Variants in MYLK4 observed in about 807,000 individuals in gnomAD.
MYLK4 encodes the protein caMLCK like.
In MYLK4, 46 loss-of-function variants were observed where a neutral mutation model predicts 48.1. That is an observed-to-expected ratio of 0.96 (90% confidence interval 0.75 to 1.22). The LOEUF (loss-of-function observed/expected upper bound fraction) is 1.22. Ranked by LOEUF, MYLK4 falls within the 50% of genes most tolerant of loss-of-function variation. The probability of loss-of-function intolerance (pLI) is 0.00; values close to 1 mark genes in which losing one functional copy is unlikely to be tolerated. For synonymous variants in MYLK4, 170 were observed against 180.8 expected (o/e 0.94, Z 0.48); for missense variants, 451 against 486.1 (o/e 0.93, Z 0.68).
In MYLK4 at chr6:2,702,539, G is replaced by C. The variant is rs573778442; in HGVS notation, c.160-9680C>G. Among the ~76,000 whole-genome samples, 14 of 152,292 alleles carry C rather than the reference G, an allele frequency of 9.2e-5. 1 individual carries two copies. In the South Asian group the frequency reaches 2.9e-3, roughly 32 times the overall value. ...TGAGCTGTTGATTAAAGGGTACAAA[G>C]TCTCAGACTGGAGGGATAAGTTTTA... On this transcript the variant is annotated intron_variant, in intron 2 of 12. Transcript: ENST00000274643.
At position 2,684,839 on chromosome 6, in the gene MYLK4, T is replaced by G. The variant is rs577774366; in HGVS notation, c.545+457A>C. ...GCAGGGATCCTGGGACCAATCCCTC[T>G]CCGATACCAAGTAATGACTGTACTC... On this transcript the variant is annotated intron_variant, in intron 6 of 12. Transcript: ENST00000274643. Among the ~76,000 whole-genome samples, 11 of 152,244 alleles carry G rather than the reference T, an allele frequency of 7.2e-5. No homozygotes were observed. The East Asian group carries it at 2.1e-3, about 29-fold the overall frequency.
intron 2 of MYLK4, chr6:2,743,785 G>A (rs981663336): frequency 1.3e-5 from 5 of 395,964 alleles, no homozygotes; most frequent in African/African-American, 1.0e-4. Flanking sequence ...CCAGGGCCCT[G>A]GGCAAAGATT....
intron 2 of MYLK4, chr6:2,743,866 A>G (rs1184630531): frequency 2.5e-6 from 1 of 398,408 alleles, no homozygotes; most frequent in African/African-American, 2.1e-5. Context: ...AACAAAATGA[A>G]TCTGTCTTAG....
At chr6:2,760,336 C>T in the MYLK4 span, among the ~76,000 whole-genome samples, 2 of 152,114 alleles carry the variant, frequency 1.3e-5, no homozygotes, top group Non-Finnish European at 2.9e-5. Context: ...GCTTCCAAGC[C>T]CTCTCCTTGT....
In MYLK4 at chr6:2,749,299, G is replaced by A; in HGVS notation, c.-5C>T. The A allele has an allele frequency of 1.2e-6, 2 of 1,611,436 alleles. No individual in the cohort carries two copies. Among genetic ancestry groups the A allele is most frequent in the Non-Finnish European group, 1.7e-6 (2 of 1,178,838 alleles). On this transcript the variant is annotated 5_prime_UTR_variant, in exon 2 of 13. Coordinates refer to ENST00000274643, the MANE Select transcript of MYLK4 (RefSeq NM_001012418.5). Reference sequence around the variant, plus strand: ...CAGCCTCTTCACTTTTAACATCTTAGTAGTGAGTCCGATTAAGCTACTTTC... The same window carrying A: ...CAGCCTCTTCACTTTTAACATCTTAATAGTGAGTCCGATTAAGCTACTTTC...
the MYLK4 span, chr6:2,766,551 C>A: frequency 2.1e-6 from 3 of 1,413,788 alleles, no homozygotes; most frequent in African/African-American, 2.9e-5. Context: ...GCCTGCCTCT[C>A]CTGGATAAGG....
intron 2 of MYLK4, among the ~76,000 whole-genome samples, chr6:2,713,107 A>G (rs888331094): frequency 1.3e-5 from 2 of 152,238 alleles, no homozygotes; most frequent in African/African-American, 4.8e-5. Context: ...ATGGTGGCTC[A>G]TGCCTACAAT....
At chr6:2,746,108 TA>T (rs35723303) in intron 2 of MYLK4, among the ~76,000 whole-genome samples, 1 of 148,394 alleles carries the variant, frequency 6.7e-6, no homozygotes, top group Non-Finnish European at 1.5e-5. Context: ...AAAAAAAATA[TA>T]AAAAAAAATG....
chr6:2,769,399 C>T, the MYLK4 span, among the ~76,000 whole-genome samples: 2 of 151,768 alleles, frequency 1.3e-5, no homozygotes, highest in Non-Finnish European at 2.9e-5. Flanking sequence ...AACAAAGCCA[C>T]TTAGGGATTT....
intron 2 of MYLK4, among the ~76,000 whole-genome samples, chr6:2,711,831 T>C (rs1762685694): frequency 6.6e-6 from 1 of 152,178 alleles, no homozygotes; most frequent in Admixed American, 6.5e-5. Context: ...TATATAACTT[T>C]AAAGTAGGCT....
At chr6:2,697,103 T>A (rs566192544) in intron 2 of MYLK4, among the ~76,000 whole-genome samples, 44 of 152,306 alleles carry the variant, frequency 2.9e-4, no homozygotes, top group African/African-American at 1.0e-3. Context: ...ATGCATGTAG[T>A]GGTTATCAAT....
the MYLK4 span, among the ~76,000 whole-genome samples, chr6:2,762,859 G>A: frequency 2.0e-5 from 3 of 152,140 alleles, no homozygotes; most frequent in African/African-American, 7.2e-5. Flanking sequence ...CCTGCCAGTG[G>A]GTTCAGTGGG....
chr6:2,675,345 A>T (rs1761044661), intron 10 of MYLK4, among the ~76,000 whole-genome samples: 1 of 152,260 alleles, frequency 6.6e-6, no homozygotes, highest in African/African-American at 2.4e-5. Context: ...AAGGCAAATA[A>T]TAAAAATTCT....
intron 2 of MYLK4, among the ~76,000 whole-genome samples, chr6:2,747,430 T>G (rs1764136547): frequency 6.6e-6 from 1 of 152,084 alleles, no homozygotes; most frequent in African/African-American, 2.4e-5. Flanking sequence ...ACTGCATCCT[T>G]GAACTCCCGG....
intron 1 of MYLK4, 85 bp downstream of exon 1, chr6:2,750,651 A>C (rs1387156593): frequency 2.6e-5 from 4 of 152,230 alleles, no homozygotes; most frequent in Non-Finnish European, 5.9e-5. Flanking sequence ...CTCTACCTGA[A>C]GTTTGGTACA....
At chr6:2,707,173 A>G (rs1468924174) in intron 2 of MYLK4, among the ~76,000 whole-genome samples, 3 of 152,158 alleles carry the variant, frequency 2.0e-5, no homozygotes, top group Non-Finnish European at 4.4e-5. Context: ...ATTTCAACCA[A>G]CTGCAGAAAA....
intron 2 of MYLK4, among the ~76,000 whole-genome samples, chr6:2,693,086 C>T (rs1216391444): frequency 1.3e-5 from 2 of 152,176 alleles, no homozygotes; most frequent in Non-Finnish European, 2.9e-5. Flanking sequence ...AGCAAAATCA[C>T]CCGTCACCCC....
upstream of MYLK4, among the ~76,000 whole-genome samples, chr6:2,753,984 G>T (rs1764360078): frequency 7.3e-6 from 1 of 136,972 alleles, no homozygotes; most frequent in African/African-American, 2.7e-5. Flanking sequence ...AACATAGCAA[G>T]ACCCCATCTC....
intron 3 of MYLK4, 121 bp downstream of exon 3, chr6:2,692,663 T>A (rs958370755): frequency 4.3e-6 from 3 of 696,260 alleles, no homozygotes; most frequent in African/African-American, 3.8e-5. Flanking sequence ...GGCATTTTTT[T>A]ATAAACATCA....
Sources: gnomAD v4.1 joint callset for allele counts (sites outside exome capture counted in the v4.1 genomes callset) on GRCh38, gnomAD v4.1.1 for gene constraint, MANE v1.5 for transcripts, NCBI Gene and HGNC (gene_info 2026-07-23, HGNC 2026-07-21) for gene names.